Variants in ANK3 observed in about 807,000 individuals in gnomAD.
The protein encoded by ANK3 is ankyrin 3.
Under a neutral mutation model 370.9 loss-of-function variants are expected in ANK3, and 57 were observed. That is an observed-to-expected ratio of 0.15 (90% CI 0.12 to 0.19). The LOEUF (loss-of-function observed/expected upper bound fraction) is 0.19. Ranked by LOEUF, ANK3 falls within the 10% of genes least tolerant of loss-of-function variation. The pLI is 1.00. For missense variants in ANK3, 4,439 were observed against 5,302.1 expected (o/e 0.84, Z 5.06); for synonymous variants, 1,929 against 1,946.3 (o/e 0.99, Z 0.23).
chr10:60,710,064 T>A (rs890556429), intron 1 of ANK3, among the ~76,000 whole-genome samples: 1 of 152,166 alleles, frequency 6.6e-6, no homozygotes, highest in Non-Finnish European at 1.5e-5. Flanking sequence ...ACTTCCAGCA[T>A]CACTAGTGGC....
intron 9 of ANK3, among the ~76,000 whole-genome samples, chr10:60,211,014 C>T (rs904667421): frequency 6.6e-6 from 1 of 152,142 alleles, no homozygotes; most frequent in East Asian, 1.9e-4. Context: ...ACACAACCAG[C>T]TCATGAGCCG....
intron 28 of ANK3, among the ~76,000 whole-genome samples, chr10:60,095,226 C>T (rs187319036): frequency 2.0e-5 from 3 of 152,270 alleles, no homozygotes; most frequent in Non-Finnish European, 2.9e-5. Flanking sequence ...TATTGAGACC[C>T]GGCACACAGC....
chr10:60,396,094 T>C (rs1309487960), intron 2 of ANK3, among the ~76,000 whole-genome samples: 2 of 152,178 alleles, frequency 1.3e-5, no homozygotes, highest in Non-Finnish European at 2.9e-5. Context: ...CAATGGGGAA[T>C]GAAGCCGATA....
chr10:60,224,622 G>C (rs1425696519), intron 8 of ANK3, among the ~76,000 whole-genome samples: 1 of 152,018 alleles, frequency 6.6e-6, no homozygotes, highest in Non-Finnish European at 1.5e-5. Flanking sequence ...TATTTATTTT[G>C]ATTTGTATCC....
intron 30 of ANK3, among the ~76,000 whole-genome samples, chr10:60,085,874 C>T (rs528384401): frequency 5.1e-4 from 78 of 152,284 alleles, no homozygotes; most frequent in Non-Finnish European, 1.0e-3. Flanking sequence ...CTTGGCTTCC[C>T]AAAGTGCTGG....
At chr10:60,279,482 T>C in intron 2 of ANK3, 56 bp downstream of exon 2, 1 of 1,380,288 alleles carries the variant, frequency 7.2e-7, no homozygotes, top group Middle Eastern at 1.8e-4. Flanking sequence ...TTAAGGAGCT[T>C]GAAGTCTGGA....
chr10:60,499,893 C>T (rs1595153249), intron 2 of ANK3, among the ~76,000 whole-genome samples: 1 of 152,130 alleles, frequency 6.6e-6, no homozygotes, highest in East Asian at 1.9e-4. Flanking sequence ...CATACTGTTC[C>T]CAAACCCCAC....
intron 8 of ANK3, among the ~76,000 whole-genome samples, chr10:60,222,645 C>T (rs1397167992): frequency 6.6e-6 from 1 of 152,176 alleles, no homozygotes; most frequent in Non-Finnish European, 1.5e-5. Context: ...CTAAATTCTT[C>T]AAGTTAGCAT....
intron 12 of ANK3, among the ~76,000 whole-genome samples, chr10:60,201,821 C>T (rs543318980): frequency 7.2e-4 from 108 of 150,514 alleles, no homozygotes; most frequent in African/African-American, 2.3e-3. Context: ...AAGTGATTCT[C>T]GTGCCTCAGC....
intron 2 of ANK3, among the ~76,000 whole-genome samples, chr10:60,398,910 G>C (rs997682554): frequency 1.3e-5 from 2 of 152,172 alleles, no homozygotes; most frequent in African/African-American, 4.8e-5. Context: ...CTAGGGTGGG[G>C]AGAGGGCATA....
chr10:60,686,210 G>T (rs58109038), intron 1 of ANK3, among the ~76,000 whole-genome samples: 1,789 of 152,102 alleles, frequency 0.012, 35 homozygotes, highest in African/African-American at 0.04. Flanking sequence ...AGCCTTACAG[G>T]AAAGAAAATG....
chr10:60,068,825 T>G lies in ANK3; in HGVS notation c.12056A>C (p.Lys4019Thr), dbSNP rs779690242. Residue 4019 changes from lysine (K) to threonine (T), a missense_variant, in exon 37 of 44, where the codon AAA becomes ACA. Physicochemically the swap from Lys to Thr is moderately conservative, Grantham distance 78 (BLOSUM62 -1). Around this residue, in one of 13 missense-constraint regions of ANK3, gnomAD observed 496 missense variants for 529.3 expected, o/e 0.94. Transcript: ENST00000280772. ...KLVDRLSEEE[K>T]KMQSELSDEE... ...ATCGGACAACTCGGACTGCATCTTT[T>G]TTTCTTCTTCAGAGAGGCGGTCCAC... The G allele has an allele frequency of 5.6e-6, 9 of 1,614,090 alleles. No homozygotes were observed. The Admixed American group carries it at 1.2e-4, about 21-fold the overall frequency.
chr10:60,081,608 C>T (rs2085271397), intron 35 of ANK3: 1 of 367,722 alleles, frequency 2.7e-6, no homozygotes, highest in Admixed American at 3.6e-5. Context: ...GTATCACATA[C>T]AACATAAGTT....
chr10:60,705,818 TTC>T (rs757852102), intron 1 of ANK3, among the ~76,000 whole-genome samples: 4,491 of 123,988 alleles, frequency 0.036, 81 homozygotes, highest in South Asian at 0.086. Flanking sequence ...GTTTTTTTTT[TTC>T]TTTCTTTTTT....
chr10:60,368,347 G>A (rs1412021667), intron 1 of ANK3, among the ~76,000 whole-genome samples: 1 of 152,096 alleles, frequency 6.6e-6, no homozygotes, highest in Admixed American at 6.5e-5. Flanking sequence ...TCATGGAGAA[G>A]GTACGTATGT....
chr10:60,213,757 T>G (rs1399257052), intron 8 of ANK3, among the ~76,000 whole-genome samples: 2 of 152,210 alleles, frequency 1.3e-5, no homozygotes, highest in African/African-American at 2.4e-5. Context: ...ATATAACTTT[T>G]CCACTAGTCT....
chr10:60,294,972 T>A lies in ANK3; in HGVS notation c.115-15333A>T, dbSNP rs2042198736. 2.0e-5 allele frequency among the ~76,000 whole-genome samples: 3 copies of A among 151,946 alleles called. No individual in the cohort carries two copies. In the South Asian group the frequency reaches 6.2e-4, roughly 32 times the overall value. On this transcript the variant is annotated intron_variant, in intron 1 of 43. Coordinates refer to ENST00000280772, the MANE Select transcript of ANK3 (RefSeq NM_020987.5). ...TAACAAAAAATGAAACAAGGAAGAG[T>A]GGACTTTACCCCAAATTTAAGGTAA...
At chr10:60,469,780 C>CATTAAAG (rs1164039393) in intron 2 of ANK3, among the ~76,000 whole-genome samples, 4 of 149,368 alleles carry the variant, frequency 2.7e-5, no homozygotes, top group Non-Finnish European at 5.9e-5. Context: ...CTTTTACTAA[C>CATTAAAG]ATTAAAGACT....
Position 60,072,342 on chromosome 10 carries a change from A to G in ANK3, c.8539T>C (p.Trp2847Arg). The stretch of plus-strand genomic sequence containing the variant: ...CATGTTCTAAAGACCTTTTTGTCCC[A>G]TGGTCCCCTAGTTGCTAAATCTGAG... ...ITSDLATRGPWDKKVFRTWES... is the reference protein window; with the variant it reads ...ITSDLATRGPRDKKVFRTWES... Residue 2847 changes from tryptophan (W) to arginine (R), a missense_variant, in exon 37 of 44, where the codon TGG (tryptophan) becomes CGG (arginine). Around this residue, in one of 13 missense-constraint regions of ANK3, gnomAD observed 1,601 missense variants for 1,731.7 expected, o/e 0.92. Transcript: ENST00000280772. 6.2e-7 allele frequency: 1 copy of G among 1,613,808 alleles called. No homozygotes were observed. The highest frequency in any genetic ancestry group is 1.1e-5 in the South Asian group (1 of 90,966).
Sources: allele counts gnomAD v4.1 joint callset (sites outside exome capture counted in the v4.1 genomes callset), GRCh38; gene constraint gnomAD v4.1.1; regional missense constraint gnomAD v4.1.1; transcripts MANE v1.5; gene names NCBI Gene and HGNC (gene_info 2026-07-23, HGNC 2026-07-21).